Variants in SLC24A2 observed in about 807,000 individuals in gnomAD.
SLC24A2 encodes sodium/potassium/calcium exchanger 2.
SLC24A2 carries 36 observed loss-of-function variants against 62.0 expected under a neutral mutation model. The ratio of observed to expected loss-of-function variants is 0.58; its 90% confidence interval spans 0.44 to 0.77. The LOEUF is 0.77. Ranked by LOEUF, SLC24A2 falls within the 30% of genes least tolerant of loss-of-function variation. The pLI is 0.00. For missense variants in SLC24A2, 846 were observed against 817.9 expected (o/e 1.03, Z -0.42); for synonymous variants, 358 against 294.0 (o/e 1.22, Z -2.23).
rs1352962982 is a variant in SLC24A2, at chr9:19,786,194, G to A, written c.673C>T (p.Leu225=). The A allele has an allele frequency of 1.9e-6, 3 of 1,614,094 alleles. No homozygotes were observed. The highest frequency in any genetic ancestry group is 1.6e-4 in the Middle Eastern group (1 of 6,062). ...AGGTTTAAGATTTCTCTAGAAAACA[G>A]AGCACACATGCCAATAACAAAGAGG... is the stretch of plus-strand genomic sequence containing the variant. The part of the protein sequence containing the change: ...NILFVIGMCA[L]FSREILNLTW... Residue 225 remains leucine (L), a synonymous_variant, in exon 2 of 11, where the codon CTG becomes TTG. Transcript: ENST00000341998. The surrounding 1 kb of genome is among the most constrained non-coding windows in gnomAD (Gnocchi z 5.0).
the SLC24A2 span, among the ~76,000 whole-genome samples, chr9:20,202,109 T>C: frequency 0.011 from 1,662 of 150,532 alleles, 30 homozygotes; most frequent in African/African-American, 0.039. Context: ...ACTCTAAACC[T>C]GGGTAAGCAT....
rs546363843 is a variant in SLC24A2, at chr9:19,671,746, T to C, written c.931-49447A>G. Among the ~76,000 whole-genome samples, 12 of 152,240 alleles carry C rather than the reference T, an allele frequency of 7.9e-5. No individual in the cohort carries two copies. In the South Asian group the frequency reaches 2.5e-3, roughly 32 times the overall value. On this transcript the variant is annotated intron_variant, in intron 2 of 10. Coordinates refer to ENST00000341998, the MANE Select transcript of SLC24A2 (RefSeq NM_020344.4). ...TACGTCCCTTCTATGCCGATTTTGC[T>C]GAGGCTTTTAATCATAAATAGATGC... is the stretch of plus-strand genomic sequence containing the variant.
chr9:19,829,806 TATATACACAC>T, the SLC24A2 span, among the ~76,000 whole-genome samples: 35,596 of 111,404 alleles, frequency 0.32, 6,057 homozygotes, highest in South Asian at 0.46. Flanking sequence ...TGTATATATA[TATATACACAC>T]ACACACACAC....
chr9:20,120,204 T>C, the SLC24A2 span, among the ~76,000 whole-genome samples: 3 of 152,200 alleles, frequency 2.0e-5, no homozygotes, highest in African/African-American at 7.2e-5. Flanking sequence ...TAAACTTTGA[T>C]TGGGTAAATG....
chr9:19,707,290 G>T (rs1820560040), intron 2 of SLC24A2, among the ~76,000 whole-genome samples: 1 of 152,172 alleles, frequency 6.6e-6, no homozygotes, highest in African/African-American at 2.4e-5. Context: ...AAAAAGTCCA[G>T]GACCAGATGG....
chr9:20,197,624 G>T, the SLC24A2 span, among the ~76,000 whole-genome samples: 2 of 151,874 alleles, frequency 1.3e-5, no homozygotes, highest in African/African-American at 4.8e-5. Context: ...GAGAGACAGG[G>T]TTTTACCGTG....
At position 19,788,888 on chromosome 9, in the gene SLC24A2, G is replaced by GATAA; in HGVS notation, c.-161_-158dup. On this transcript the variant is annotated 5_prime_UTR_variant, in exon 1 of 11. Coordinates refer to ENST00000341998, the MANE Select transcript of SLC24A2 (RefSeq NM_020344.4). ...GGGCGCAGCCGCCCGCACTTACCAGGATAAGATGGGAGGACGCGCACACGG... is the reference window on the plus strand; with the variant it reads ...GGGCGCAGCCGCCCGCACTTACCAGGATAAATAAGATGGGAGGACGCGCACACGG... The GATAA allele has an allele frequency of 1.0e-6, 1 of 985,406 alleles. No homozygotes were observed. Among genetic ancestry groups the GATAA allele is most frequent in the Non-Finnish European group, 1.2e-6 (1 of 829,896 alleles). The allele number at this position is 985,406 out of a possible 1,614,324, so 61.0% of individuals were successfully genotyped here. A position where few individuals can be genotyped will look rare whatever the true frequency, so the allele number is the denominator to read the frequency against.
rs1019716227 is a variant in SLC24A2, at chr9:19,599,857, C to T, written c.1079-2578G>A. Among the ~76,000 whole-genome samples, 1 of 152,112 alleles carries T rather than the reference C, an allele frequency of 6.6e-6. No homozygotes were observed. Among genetic ancestry groups the T allele is most frequent in the Non-Finnish European group, 1.5e-5 (1 of 68,014 alleles). Reference sequence around the variant, plus strand: ...AGTCTTGCTGAGAGGACCCGGGAGGCGCTCACCGGCATAGGAATGTGGCTT... The same window carrying T: ...AGTCTTGCTGAGAGGACCCGGGAGGTGCTCACCGGCATAGGAATGTGGCTT... On this transcript the variant is annotated intron_variant, in intron 4 of 10. Transcript: ENST00000341998. The surrounding 1 kb of genome is among the most constrained non-coding windows in gnomAD (Gnocchi z 4.5).
At chr9:19,866,470 C>T in the SLC24A2 span, among the ~76,000 whole-genome samples, 1 of 152,096 alleles carries the variant, frequency 6.6e-6, no homozygotes, top group African/African-American at 2.4e-5. Flanking sequence ...CAACAGATGA[C>T]TGGATAAAGA....
chr9:20,255,312 T>C, the SLC24A2 span, among the ~76,000 whole-genome samples: 1 of 152,212 alleles, frequency 6.6e-6, no homozygotes, highest in Non-Finnish European at 1.5e-5. Flanking sequence ...AGTTTTGCCA[T>C]GGGGTGGCAT....
chr9:20,276,751 C>T, the SLC24A2 span, among the ~76,000 whole-genome samples: 76 of 152,352 alleles, frequency 5.0e-4, no homozygotes, highest in African/African-American at 1.4e-3. Flanking sequence ...GAAATCTAGG[C>T]GGAGGTTCCC....
Position 19,580,802 on chromosome 9 carries a change from T to A in SLC24A2, c.1130-3780A>T, listed in dbSNP as rs557462211. Among the ~76,000 whole-genome samples, 9 of 152,228 alleles carry A rather than the reference T, an allele frequency of 5.9e-5. No homozygotes were observed. The East Asian group carries it at 1.5e-3, about 26-fold the overall frequency. On this transcript the variant is annotated intron_variant, in intron 5 of 10. Transcript: ENST00000341998. ...TGCTTTAGTTTTCCCATCTGTTAAG[T>A]AGGGATTCCAGTGGTATTGGCTGAT...
chr9:19,724,480 T>C (rs936463962), intron 2 of SLC24A2, among the ~76,000 whole-genome samples: 1 of 152,196 alleles, frequency 6.6e-6, no homozygotes, highest in Non-Finnish European at 1.5e-5. Flanking sequence ...ACTGGGGAAA[T>C]GTCTAAACAA....
chr9:20,162,800 T>A, the SLC24A2 span, among the ~76,000 whole-genome samples: 1 of 152,232 alleles, frequency 6.6e-6, no homozygotes, highest in South Asian at 2.1e-4. Flanking sequence ...GTGGGCTTCA[T>A]CCCTGGGATG....
rs925290960 is a variant in SLC24A2, at chr9:19,646,959, A to G, written c.931-24660T>C. On this transcript the variant is annotated intron_variant, in intron 2 of 10. Coordinates refer to ENST00000341998, the MANE Select transcript of SLC24A2 (RefSeq NM_020344.4). ...CCCATTCCCCTGTAGAAGTCTGCCA[A>G]ATTTCCATCCATTCTTTAACTCTCA... is the stretch of plus-strand genomic sequence containing the variant. 2.0e-5 allele frequency among the ~76,000 whole-genome samples: 3 copies of G among 151,924 alleles called. No individual in the cohort carries two copies. The East Asian group carries it at 5.8e-4, about 29-fold the overall frequency.
chr9:20,125,704 C>G, the SLC24A2 span, among the ~76,000 whole-genome samples: 3 of 152,130 alleles, frequency 2.0e-5, no homozygotes, highest in Admixed American at 6.6e-5. Flanking sequence ...GGCTCCAGAG[C>G]ACTCTAGCCC....
the SLC24A2 span, among the ~76,000 whole-genome samples, chr9:20,126,736 C>T: frequency 6.6e-6 from 1 of 152,118 alleles, no homozygotes; most frequent in East Asian, 1.9e-4. Flanking sequence ...ATTAAACACA[C>T]ATATATTTTA....
chr9:20,101,985 G>A, the SLC24A2 span, among the ~76,000 whole-genome samples: 1 of 152,146 alleles, frequency 6.6e-6, no homozygotes, highest in Non-Finnish European at 1.5e-5. Flanking sequence ...GTGTTCCTAG[G>A]AGCCTCCTTT....
At chr9:20,079,089 C>G in the SLC24A2 span, among the ~76,000 whole-genome samples, 1 of 143,670 alleles carries the variant, frequency 7.0e-6, no homozygotes, top group Non-Finnish European at 1.6e-5. Context: ...TCCAGGTGGG[C>G]CCTAAATCCA....
Sources: gnomAD v4.1 joint callset for allele counts (sites outside exome capture counted in the v4.1 genomes callset) on GRCh38, gnomAD v4.1.1 for gene constraint, Gnocchi (gnomAD v3.1) non-coding constraint, MANE v1.5 for transcripts, NCBI Gene and HGNC (gene_info 2026-07-23, HGNC 2026-07-21) for gene names.